The following CCDC171 variants were observed in gnomAD, a reference collection of about 807,000 sequenced individuals.
CCDC171 encodes the protein coiled-coil domain containing 171.
In CCDC171, 177 loss-of-function variants were observed where a neutral mutation model predicts 168.2. That is an observed-to-expected ratio of 1.05 (90% confidence interval 0.93 to 1.19). CCDC171 has a LOEUF of 1.19. Among genes scored for constraint, CCDC171 ranks in the 50% most tolerant of loss-of-function variants. CCDC171 has a pLI of 0.00. For missense variants in CCDC171, 1,991 were observed against 1,539.0 expected, an observed-to-expected ratio of 1.29 and a Z score of -4.91; for synonymous variants, 687 against 540.8, an observed-to-expected ratio of 1.27 and a Z score of -3.75.
chr9:15,626,313 C>G (rs143610216), intron 7 of CCDC171, among the ~76,000 whole-genome samples: 1,848 of 152,262 alleles, frequency 0.012, 30 homozygotes, highest in Non-Finnish European at 0.014. Context: ...ATTTCTTTCT[C>G]CTGCCTGATT....
chr9:15,574,754 G>T (rs1448333282), intron 3 of CCDC171, among the ~76,000 whole-genome samples: 1 of 152,160 alleles, frequency 6.6e-6, no homozygotes, highest in African/African-American at 2.4e-5. Context: ...ACAAATGCAC[G>T]GTGATTGGCA....
intron 7 of CCDC171, among the ~76,000 whole-genome samples, chr9:15,635,505 C>T (rs1301732713): frequency 6.6e-6 from 1 of 152,132 alleles, no homozygotes; most frequent in Non-Finnish European, 1.5e-5. Context: ...GCAAGTCTCC[C>T]CATTCCACTT....
intron 21 of CCDC171, among the ~76,000 whole-genome samples, chr9:15,831,957 GTTTTGATTTCTTT>G (rs2060251268): frequency 6.6e-6 from 1 of 151,884 alleles, no homozygotes. Context: ...GAGTATTTTG[GTTTTGATTTCTTT>G]TTTTGTCCCC....
rs370780578 is a variant in CCDC171 at position 15,729,604 on chromosome 9, G to T, written c.1861-6G>T. On this transcript the variant is annotated splice_polypyrimidine_tract_variant and splice_region_variant and intron_variant, in intron 15 of 25. Coordinates refer to ENST00000380701, the MANE Select transcript of CCDC171 (RefSeq NM_173550.4). ...ATTTCCTTCTCTGTTGCATCTCCCC[G>T]TATAGATAAGGCATCTAGAGTATAT... 6.3e-7 allele frequency: 1 copy of T among 1,593,762 alleles called. No homozygotes were observed. The highest frequency in any genetic ancestry group is 1.7e-5 in the Admixed American group (1 of 59,170).
At chr9:15,805,613 G>A (rs550920719) in intron 21 of CCDC171, among the ~76,000 whole-genome samples, 84 of 152,212 alleles carry the variant, frequency 5.5e-4, no homozygotes, top group African/African-American at 1.9e-3. Flanking sequence ...GAGACTGTTT[G>A]TTATGATTTC....
chr9:15,573,000 A>G (rs1256143453), intron 3 of CCDC171, among the ~76,000 whole-genome samples: 1 of 152,138 alleles, frequency 6.6e-6, no homozygotes, highest in Non-Finnish European at 1.5e-5. Flanking sequence ...TTCTACTAAA[A>G]ATACAAAAAT....
At chr9:15,726,260 G>C (rs1456589054) in intron 14 of CCDC171, among the ~76,000 whole-genome samples, 1 of 152,150 alleles carries the variant, frequency 6.6e-6, no homozygotes, top group African/African-American at 2.4e-5. Flanking sequence ...ACAGCGCTGT[G>C]GTTGGGTTCA....
At chr9:15,664,105 A>T (rs1005310490) in intron 8 of CCDC171, among the ~76,000 whole-genome samples, 2 of 151,654 alleles carry the variant, frequency 1.3e-5, no homozygotes, top group African/African-American at 4.8e-5. Flanking sequence ...CTGGAGACTC[A>T]AAAGGGTGGG....
intron 25 of CCDC171, among the ~76,000 whole-genome samples, chr9:15,925,894 G>T (rs1825841744): frequency 6.6e-6 from 1 of 151,154 alleles, no homozygotes; most frequent in Non-Finnish European, 1.5e-5. Flanking sequence ...ACGTCTCTGT[G>T]TTCCTTATTG....
At chr9:16,018,359 G>C (rs3008710) in intron 3 of CCDC171, among the ~76,000 whole-genome samples, 83,859 of 151,990 alleles carry the variant, frequency 0.55, 23,367 homozygotes, top group East Asian at 0.66. Flanking sequence ...ACATTGCAGG[G>C]GGTTCCAAAG....
At chr9:15,735,551 C>G (rs1434029506) in intron 16 of CCDC171, among the ~76,000 whole-genome samples, 1 of 152,066 alleles carries the variant, frequency 6.6e-6, no homozygotes, top group Non-Finnish European at 1.5e-5. Flanking sequence ...GAGAACAAAA[C>G]TCAGGGAGAT....
At chr9:16,006,516 G>A (rs1832700020) in intron 3 of CCDC171, among the ~76,000 whole-genome samples, 1 of 151,960 alleles carries the variant, frequency 6.6e-6, no homozygotes, top group African/African-American at 2.4e-5. Flanking sequence ...GTGCCATGTT[G>A]GTGTGCTGCA....
intron 18 of CCDC171, among the ~76,000 whole-genome samples, chr9:15,752,445 T>C (rs1267381576): frequency 6.6e-6 from 1 of 152,112 alleles, no homozygotes; most frequent in African/African-American, 2.4e-5. Context: ...TAAAGACACA[T>C]GCACACATAT....
chr9:16,073,888 TG>T, the CCDC171 span, among the ~76,000 whole-genome samples: 1 of 152,198 alleles, frequency 6.6e-6, no homozygotes, highest in Non-Finnish European at 1.5e-5. Flanking sequence ...GAGAAGGGAT[TG>T]GGAAGAGGGC....
chr9:15,629,074 A>T (rs1219634009), intron 7 of CCDC171, among the ~76,000 whole-genome samples: 1 of 152,148 alleles, frequency 6.6e-6, no homozygotes, highest in Non-Finnish European at 1.5e-5. Flanking sequence ...AACCACAAAG[A>T]TGGGGAAAAA....
chr9:15,657,433 C>T (rs1480078614), intron 8 of CCDC171, among the ~76,000 whole-genome samples: 1 of 152,288 alleles, frequency 6.6e-6, no homozygotes, highest in East Asian at 1.9e-4. Context: ...CCAGGTCTCA[C>T]CCACTGTCTG....
At position 15,820,440 on chromosome 9, in the gene CCDC171, C is replaced by G. The variant is rs1406300237; in HGVS notation, c.3268-26262C>G. Among the ~76,000 whole-genome samples, 3 of 115,008 alleles carry G rather than the reference C, an allele frequency of 2.6e-5. No homozygotes were observed. The East Asian group carries it at 6.4e-4, about 25-fold the overall frequency. 75.4% of individuals were successfully genotyped at this position (115,008 alleles called of 152,430 possible). A position where few individuals can be genotyped will look rare whatever the true frequency, so the allele number is the denominator to read the frequency against. On this transcript the variant is annotated intron_variant, in intron 21 of 25. Transcript: ENST00000380701. ...AAAGATCAACAAAATTGATAGACCA[C>G]TAGCAAGACTAATGAAGAAAAGAGA...
At chr9:15,878,154 T>G (rs959990833) in intron 24 of CCDC171, among the ~76,000 whole-genome samples, 2 of 152,084 alleles carry the variant, frequency 1.3e-5, no homozygotes, top group African/African-American at 4.8e-5. Context: ...TTTAAGAGCT[T>G]CTGTACAGCA....
At chr9:16,059,457 C>T (rs539677476) in intron 1 of CCDC171, among the ~76,000 whole-genome samples, 8 of 150,142 alleles carry the variant, frequency 5.3e-5, no homozygotes, top group Non-Finnish European at 1.2e-4. Context: ...TTCCAGGGGA[C>T]ACTGGGCTTT....
Sources: gnomAD v4.1 joint callset for allele counts (sites outside exome capture counted in the v4.1 genomes callset) on GRCh38, gnomAD v4.1.1 for gene constraint, MANE v1.5 for transcripts, NCBI Gene and HGNC (gene_info 2026-07-23, HGNC 2026-07-21) for gene names.